SREK1: variants seen among roughly 807,000 people sequenced by gnomAD.
The protein encoded by SREK1 is splicing regulatory glutamine/lysine-rich protein 1.
In SREK1, 13 loss-of-function variants were observed where a neutral mutation model predicts 66.5. The observed-to-expected ratio is 0.20, with a 90% CI of 0.13 to 0.31. The LOEUF is 0.31. Ranked by LOEUF, SREK1 falls within the 10% of genes least tolerant of loss-of-function variation. The pLI, the probability that SREK1 is intolerant of heterozygous loss-of-function variation, is 1.00. For synonymous variants in SREK1, 265 were observed against 263.5 expected (o/e 1.01, Z -0.05); for missense variants, 607 against 769.6 (o/e 0.79, Z 2.50).
At position 66,162,278 on chromosome 5, in the gene SREK1, C is replaced by T. The variant is rs866023798; in HGVS notation, c.576+5C>T. The T allele has an allele frequency of 6.2e-7, 1 of 1,613,858 alleles. No individual in the cohort carries two copies. Among genetic ancestry groups the T allele is most frequent in the African/African-American group, 1.3e-5 (1 of 75,008 alleles). ...GTTGGAAATCTGAATTCCCAGGTAACTAATTAAAGAAGAAACAAAGCAGCA... is the reference window on the plus strand; with the variant it reads ...GTTGGAAATCTGAATTCCCAGGTAATTAATTAAAGAAGAAACAAAGCAGCA... On this transcript the variant is annotated splice_donor_5th_base_variant and intron_variant, in intron 4 of 11. Transcript: ENST00000334121.
chr5:66,161,199 C>T (rs1176820010), intron 3 of SREK1, among the ~76,000 whole-genome samples: 1 of 152,152 alleles, frequency 6.6e-6, no homozygotes, highest in Non-Finnish European at 1.5e-5. Context: ...GTTAGGAACT[C>T]ATACTCATAC....
Position 66,179,086 on chromosome 5 carries a change from T to C in SREK1, c.*218T>C, listed in dbSNP as rs1746304957. On this transcript the variant is annotated 3_prime_UTR_variant, in exon 12 of 12. Coordinates refer to ENST00000334121, the MANE Select transcript of SREK1 (RefSeq NM_001077199.3). ...ACAGATGTTACCCAAACTCATCTTC[T>C]AAAATCTGTGCATTTCCATGGTGGC... 5.2e-6 allele frequency: 2 copies of C among 387,054 alleles called. No individual in the cohort carries two copies. Among genetic ancestry groups the C allele is most frequent in the South Asian group, 1.6e-4 (2 of 12,550 alleles). 24.0% of individuals were successfully genotyped at this position (387,054 alleles called of 1,614,324 possible).
chr5:66,163,681 C>G (rs540888836), intron 5 of SREK1, 111 bp from the exon 6 acceptor site: 13 of 1,113,100 alleles, frequency 1.2e-5, no homozygotes, highest in South Asian at 3.6e-5. Context: ...ATCATTCTTA[C>G]GTGCTTCTGA....
chr5:66,158,790 A>G (rs565839971), intron 2 of SREK1: 1 of 1,285,624 alleles, frequency 7.8e-7, no homozygotes, highest in Non-Finnish European at 1.0e-6. Context: ...TCTGTATCTG[A>G]TGTTCTGTGT....
At chr5:66,162,722 A>G (rs982782034) in intron 5 of SREK1, 130 bp downstream of exon 5, 4 of 765,292 alleles carry the variant, frequency 5.2e-6, no homozygotes, top group Non-Finnish European at 8.0e-6. Flanking sequence ...TGTGTTAAGT[A>G]TAAATGAAAT....
intron 2 of SREK1, among the ~76,000 whole-genome samples, chr5:66,155,357 G>A (rs1315371665): frequency 6.6e-6 from 1 of 152,188 alleles, no homozygotes; most frequent in Non-Finnish European, 1.5e-5. Flanking sequence ...GTTGGTATTG[G>A]TGAAACATTC....
At chr5:66,175,096 G>T in intron 10 of SREK1, 55 bp downstream of exon 10, 1 of 1,395,012 alleles carries the variant, frequency 7.2e-7, no homozygotes, top group South Asian at 1.4e-5. Flanking sequence ...AATATTTTTT[G>T]AAATTTTAAA....
chr5:66,162,572 G>A lies in SREK1; in HGVS notation c.735G>A (p.Met245Ile). 6.2e-7 allele frequency: 1 copy of A among 1,611,342 alleles called. No homozygotes were observed. The highest frequency in any genetic ancestry group is 8.5e-7 in the Non-Finnish European group (1 of 1,178,422). ...GGGCCCTTGCTTTTAATGGAGTTATGTTTGGAGACAGGCCACTGAAGTAAG... is the reference window on the plus strand; with the variant it reads ...GGGCCCTTGCTTTTAATGGAGTTATATTTGGAGACAGGCCACTGAAGTAAG... ...VPRALAFNGVMFGDRPLKINH... is the reference protein window; with the variant it reads ...VPRALAFNGVIFGDRPLKINH... The change falls in exon 5 of 12, where the codon ATG becomes ATA. Residue 245 changes from methionine to isoleucine, a missense_variant. Transcript: ENST00000334121.
chr5:66,148,529 A>C (rs1167208752), intron 1 of SREK1, among the ~76,000 whole-genome samples: 1 of 152,206 alleles, frequency 6.6e-6, no homozygotes, highest in Non-Finnish European at 1.5e-5. Context: ...TTGTATTTTA[A>C]AAAACCAAAA....
At chr5:66,156,095 C>A in intron 2 of SREK1, 1 of 1,518,546 alleles carries the variant, frequency 6.6e-7, no homozygotes, top group African/African-American at 1.4e-5. Context: ...AGACCTGTTA[C>A]ACTTGCCTGA....
chr5:66,159,250 T>G lies in SREK1; in HGVS notation c.327T>G (p.Ser109=), dbSNP rs1375394199. ...TCCCAGAGGAATCCAAAGCCCTCTC[T>G]TTATTGGCTCCTGCTCCAACCATGA... The part of the protein sequence containing the change: ...GKIPEESKAL[S]LLAPAPTMTS... The change falls in exon 3 of 12, where the codon TCT becomes TCG. Residue 109 remains serine (S), a synonymous_variant. Transcript: ENST00000334121. 2 of 1,613,410 alleles carry G rather than the reference T, an allele frequency of 1.2e-6. No homozygotes were observed. The highest frequency in any genetic ancestry group is 1.7e-6 in the Non-Finnish European group (2 of 1,179,730).
chr5:66,178,817 GA>G lies in SREK1; in HGVS notation c.1826del (p.Asn609IlefsTer4). ...AGGAAAACAAAATACAGCACAATGG[GA>G]ATTGTCAGCTGAATGAAGAAAACCT... ...TEENKIQHNGNCQLNEENLST... is the reference protein window; with the variant it reads ...TEENKIQHNGXCQLNEENLST... On this transcript the variant is annotated frameshift_variant, in exon 12 of 12. Coordinates refer to ENST00000334121, the MANE Select transcript of SREK1 (RefSeq NM_001077199.3). LOFTEE classifies it high-confidence loss of function. 1 of 1,612,524 alleles carries G rather than the reference GA, an allele frequency of 6.2e-7. No homozygotes were observed. Among genetic ancestry groups the G allele is most frequent in the Non-Finnish European group, 8.5e-7 (1 of 1,178,928 alleles).
chr5:66,162,488 T>C lies in SREK1; in HGVS notation c.651T>C (p.Asp217=). The change falls in exon 5 of 12, where the codon GAT becomes GAC. Residue 217 remains aspartate (D), a synonymous_variant. Transcript: ENST00000334121. ...GEVKFVRMAG[D]ETQPTRFAFV... The stretch of plus-strand genomic sequence containing the variant: ...TGAAGTTTGTGCGGATGGCAGGTGA[T>C]GAGACTCAGCCAACTCGGTTTGCTT... The C allele has an allele frequency of 6.2e-7, 1 of 1,614,152 alleles. No individual in the cohort carries two copies.
chr5:66,148,424 A>G (rs1743456772), intron 1 of SREK1, among the ~76,000 whole-genome samples: 1 of 152,252 alleles, frequency 6.6e-6, no homozygotes, highest in African/African-American at 2.4e-5. Context: ...GTTAGGGCCA[A>G]GAAATTTAAT....
chr5:66,172,430 T>C (rs1745717429), intron 9 of SREK1, among the ~76,000 whole-genome samples: 1 of 152,204 alleles, frequency 6.6e-6, no homozygotes, highest in Non-Finnish European at 1.5e-5. Flanking sequence ...AGAGTCTTGC[T>C]CATCGCCCAG....
At position 66,179,869 on chromosome 5, in the gene SREK1, A is replaced by C. The variant is rs1746367241; in HGVS notation, c.*1001A>C. ...CATGCATACCCATAGAGAAGTGTGT[A>C]AGTGATATGTCAGAAGAGCTTCTTA... On this transcript the variant is annotated 3_prime_UTR_variant, in exon 12 of 12. Coordinates refer to ENST00000334121, the MANE Select transcript of SREK1 (RefSeq NM_001077199.3). 1 of 152,576 alleles carries C rather than the reference A, an allele frequency of 6.6e-6. No individual in the cohort carries two copies. Among genetic ancestry groups the C allele is most frequent in the African/African-American group, 2.4e-5 (1 of 41,450 alleles). The allele number at this position is 152,576 out of a possible 1,614,324, so 9.5% of individuals were successfully genotyped here.
At chr5:66,173,577 ATTTC>A (rs1345712376) in intron 9 of SREK1, among the ~76,000 whole-genome samples, 1 of 152,122 alleles carries the variant, frequency 6.6e-6, no homozygotes, top group Non-Finnish European at 1.5e-5. Context: ...TGTTAATACA[ATTTC>A]TTTCTCAAGT....
chr5:66,174,232 T>A (rs1337901926), intron 9 of SREK1, among the ~76,000 whole-genome samples: 5 of 152,302 alleles, frequency 3.3e-5, no homozygotes, highest in Admixed American at 3.3e-4. Context: ...CATTTGCTAA[T>A]CTGATAAGCA....
intron 1 of SREK1, among the ~76,000 whole-genome samples, chr5:66,145,994 G>A (rs449046): frequency 6.6e-6 from 1 of 151,568 alleles, no homozygotes; most frequent in Non-Finnish European, 1.5e-5. Context: ...AGAGATATGT[G>A]TATATATATA....
Sources: gnomAD v4.1 joint callset for allele counts (sites outside exome capture counted in the v4.1 genomes callset) on GRCh38, gnomAD v4.1.1 for gene constraint, MANE v1.5 for transcripts, NCBI Gene and HGNC (gene_info 2026-07-23, HGNC 2026-07-21) for gene names.